Variants in PNPLA2 observed in about 807,000 individuals in gnomAD.
PNPLA2 encodes patatin like domain 2, triacylglycerol lipase, also known as patatin-like phospholipase domain-containing protein 2.
PNPLA2 carries 28 observed loss-of-function variants against 39.7 expected under a neutral mutation model. The ratio of observed to expected loss-of-function variants is 0.70; its 90% CI spans 0.52 to 0.97. The LOEUF (loss-of-function observed/expected upper bound fraction) is 0.97. PNPLA2 is among the 50% of genes least tolerant of loss of function. The probability of loss-of-function intolerance (pLI) is 0.00; values close to 1 mark genes in which losing one functional copy is unlikely to be tolerated. For missense variants in PNPLA2, 768 were observed against 698.2 expected, an observed-to-expected ratio of 1.10 and a Z score of -1.13; for synonymous variants, 392 against 321.1, an observed-to-expected ratio of 1.22 and a Z score of -2.36.
At chr11:820,155 G>T (rs1360793882) in intron 2 of PNPLA2, among the ~76,000 whole-genome samples, 1 of 152,248 alleles carries the variant, frequency 6.6e-6, no homozygotes, top group Non-Finnish European at 1.5e-5. Context: ...GCGGGCAGGT[G>T]CAGCAAAAGC....
rs1845839339 is a variant in PNPLA2, at chr11:824,933, C to CA, written c.*72dup. Reference sequence around the variant, plus strand: ...CACTGCGCAGTGAGATGAGGGGACTCACAGTTGCCAAGAGGGGTCTTTGCC... The same window carrying CA: ...CACTGCGCAGTGAGATGAGGGGACTCAACAGTTGCCAAGAGGGGTCTTTGCC... On this transcript the variant is annotated 3_prime_UTR_variant, in exon 10 of 10. Transcript: ENST00000336615. The CA allele has an allele frequency of 7.8e-7, 1 of 1,279,042 alleles. No homozygotes were observed. Among genetic ancestry groups the CA allele is most frequent in the East Asian group, 2.5e-5 (1 of 39,602 alleles). The allele number at this position is 1,279,042 out of a possible 1,614,324, so 79.2% of individuals were successfully genotyped here.
Position 824,585 on chromosome 11 carries a change from C to G in PNPLA2, c.1238C>G (p.Ala413Gly). The G allele has an allele frequency of 6.3e-7, 1 of 1,582,076 alleles. No individual in the cohort carries two copies. The highest frequency in any genetic ancestry group is 8.6e-7 in the Non-Finnish European group (1 of 1,168,982). Residue 413 changes from alanine to glycine, a missense_variant, in exon 10 of 10, where the codon GCC becomes GGC. Transcript: ENST00000336615. ...QSLPSVPLSC[A>G]AYREALPGWM... ...CTGCCGTCCGTGCCGCTGTCCTGCGCCGCCTACAGAGAGGCACTGCCCGGC... is the reference window on the plus strand; with the variant it reads ...CTGCCGTCCGTGCCGCTGTCCTGCGGCGCCTACAGAGAGGCACTGCCCGGC...
At chr11:819,984 G>A in intron 2 of PNPLA2, 79 bp downstream of exon 2, 1 of 1,144,604 alleles carries the variant, frequency 8.7e-7, no homozygotes, top group South Asian at 2.4e-5. Flanking sequence ...CGTGAGCGGA[G>A]GGGCCCCGCG....
In PNPLA2 at chr11:824,959, G is replaced by C. The variant is rs1370493846; in HGVS notation, c.*97G>C. On this transcript the variant is annotated 3_prime_UTR_variant, in exon 10 of 10. Transcript: ENST00000336615. The stretch of plus-strand genomic sequence containing the variant: ...ACAGTTGCCAAGAGGGGTCTTTGCC[G>C]TGGGCCCCCTCGCCAGCCACTCACC... The C allele has an allele frequency of 3.8e-6, 4 of 1,043,328 alleles. No homozygotes were observed. In the African/African-American group the frequency reaches 5.0e-5, roughly 13 times the overall value. 64.6% of individuals were successfully genotyped at this position (1,043,328 alleles called of 1,614,324 possible). A position where few individuals can be genotyped will look rare whatever the true frequency, so the allele number is the denominator to read the frequency against.
chr11:822,588 C>G lies in PNPLA2; in HGVS notation c.678C>G (p.Leu226=), dbSNP rs10902224. 10 of 1,613,632 alleles carry G rather than the reference C, an allele frequency of 6.2e-6. No homozygotes were observed. In the South Asian group the frequency reaches 1.1e-4, roughly 18 times the overall value. ...ACCTCTACCGCCTCTCCAAGGCCCT[C>G]TTCCCGCCGGAGCCCCTGGTGAGCT... ...LRNLYRLSKA[L]FPPEPLVLRE... Residue 226 remains leucine, a synonymous_variant, in exon 5 of 10, where the codon CTC becomes CTG. Transcript: ENST00000336615.
chr11:824,602 C>A lies in PNPLA2; in HGVS notation c.1255C>A (p.Leu419Met), dbSNP rs1245866644. 6.3e-7 allele frequency: 1 copy of A among 1,590,116 alleles called. No homozygotes were observed. The highest frequency in any genetic ancestry group is 1.1e-5 in the South Asian group (1 of 88,748). Reference protein sequence around the residue: ...PLSCAAYREALPGWMRNNLSL... With the variant: ...PLSCAAYREAMPGWMRNNLSL... The stretch of plus-strand genomic sequence containing the variant: ...GTCCTGCGCCGCCTACAGAGAGGCA[C>A]TGCCCGGCTGGATGCGCAACAACCT... The change falls in exon 10 of 10, where the codon CTG (leucine) becomes ATG (methionine). Residue 419 changes from leucine to methionine, a missense_variant. Coordinates refer to ENST00000336615, the MANE Select transcript of PNPLA2 (RefSeq NM_020376.4).
Position 825,102 on chromosome 11 carries a change from T to C in PNPLA2, c.*240T>C. On this transcript the variant is annotated 3_prime_UTR_variant, in exon 10 of 10. Coordinates refer to ENST00000336615, the MANE Select transcript of PNPLA2 (RefSeq NM_020376.4). ...TGCCCGAGCACCTCCCCCGCCCCTT[T>C]ACTCCTGAGAACTTTGCAGCTGCCC... 1 of 576,688 alleles carries C rather than the reference T, an allele frequency of 1.7e-6. No homozygotes were observed. Among genetic ancestry groups the C allele is most frequent in the Non-Finnish European group, 3.1e-6 (1 of 325,030 alleles). The allele number at this position is 576,688 out of a possible 1,614,324, so 35.7% of individuals were successfully genotyped here.
chr11:822,585 C>T lies in PNPLA2; in HGVS notation c.675C>T (p.Ala225=), dbSNP rs1188096368. ...NLRNLYRLSK[A]LFPPEPLVLR... ...GCAACCTCTACCGCCTCTCCAAGGC[C>T]CTCTTCCCGCCGGAGCCCCTGGTGA... The change falls in exon 5 of 10, where the codon GCC becomes GCT. Residue 225 remains alanine, a synonymous_variant. Coordinates refer to ENST00000336615, the MANE Select transcript of PNPLA2 (RefSeq NM_020376.4). 2 of 1,613,600 alleles carry T rather than the reference C, an allele frequency of 1.2e-6. No homozygotes were observed. The highest frequency in any genetic ancestry group is 1.3e-5 in the African/African-American group (1 of 74,930).
rs1016887289 is a variant in PNPLA2, at chr11:823,850, A to G, written c.914A>G (p.Asn305Ser). The change falls in exon 7 of 10, where the codon AAT becomes AGT. Residue 305 changes from asparagine (N) to serine (S), a missense_variant. By Grantham distance (46) the Asn-to-Ser change is conservative (BLOSUM62 1). Transcript: ENST00000336615. The part of the protein sequence containing the change: ...HILEHLPARL[N>S]EALLEACVEP... ...CTGGAGCACCTGCCCGCCCGGCTCA[A>G]TGAGGGTGCGCACCTGGGGGACGGG... 3.2e-6 allele frequency: 5 copies of G among 1,585,726 alleles called. No homozygotes were observed. Among genetic ancestry groups the G allele is most frequent in the African/African-American group, 2.7e-5 (2 of 74,362 alleles).
chr11:824,892 G>A lies in PNPLA2; in HGVS notation c.*30G>A. 6.7e-7 allele frequency: 1 copy of A among 1,496,066 alleles called. No homozygotes were observed. The highest frequency in any genetic ancestry group is 9.0e-7 in the Non-Finnish European group (1 of 1,110,804). 92.7% of individuals were successfully genotyped at this position (1,496,066 alleles called of 1,614,324 possible). ...CCGACCCTCTCGAGGAACCCTGCCT[G>A]AGACGCCTCCATTACCACTGCGCAG... On this transcript the variant is annotated 3_prime_UTR_variant, in exon 10 of 10. Coordinates refer to ENST00000336615, the MANE Select transcript of PNPLA2 (RefSeq NM_020376.4).
chr11:824,295 C>A lies in PNPLA2; in HGVS notation c.1053-19C>A. ...GGGTCTGGCCAAGTCCCTGAACGCG[C>A]CGCTCGCCCTGTCCCCAGCTTGCTG... On this transcript the variant is annotated intron_variant, in intron 8 of 9. Transcript: ENST00000336615. 6.5e-7 allele frequency: 1 copy of A among 1,550,156 alleles called. No individual in the cohort carries two copies. The highest frequency in any genetic ancestry group is 8.7e-7 in the Non-Finnish European group (1 of 1,147,454).
Position 824,441 on chromosome 11 carries a change from G to A in PNPLA2, c.1175+5G>A, listed in dbSNP as rs1384125069. ...GGGCAGGCACCTGCCCTCCAGGTGA[G>A]CCGCCGACCGCGCGTCCACCCGGGG... On this transcript the variant is annotated splice_donor_5th_base_variant and intron_variant, in intron 9 of 9. Coordinates refer to ENST00000336615, the MANE Select transcript of PNPLA2 (RefSeq NM_020376.4). 1.9e-6 allele frequency: 3 copies of A among 1,552,502 alleles called. No individual in the cohort carries two copies. The highest frequency in any genetic ancestry group is 2.4e-5 in the East Asian group (1 of 41,172).
At position 822,459 on chromosome 11, in the gene PNPLA2, A is replaced by G. The variant is rs1845698997; in HGVS notation, c.549A>G (p.Thr183=). Residue 183 remains threonine, a synonymous_variant, in exon 5 of 10, where the codon ACA becomes ACG. Transcript: ENST00000336615. ...LPLYELKNTI[T]VSPFSGESDI... is the part of the protein sequence containing the mutation. ...TCTATGAGCTTAAGAACACCATCACAGTGTCCCCCTTCTCGGGCGAGAGTG... is the reference window on the plus strand; with the variant it reads ...TCTATGAGCTTAAGAACACCATCACGGTGTCCCCCTTCTCGGGCGAGAGTG... The G allele has an allele frequency of 1.2e-6, 2 of 1,614,136 alleles. No individual in the cohort carries two copies. The highest frequency in any genetic ancestry group is 1.7e-5 in the Admixed American group (1 of 60,030).
intron 5 of PNPLA2, among the ~76,000 whole-genome samples, 169 bp downstream of exon 5, chr11:822,775 C>T (rs1418420588): frequency 6.6e-6 from 1 of 151,650 alleles, no homozygotes; most frequent in Non-Finnish European, 1.5e-5. Flanking sequence ...CATCCAACCT[C>T]TCTGTCTAGC....
rs1333769099 is a variant in PNPLA2 at position 819,725 on chromosome 11, C to T, written c.7C>T (p.Pro3Ser). 14 of 1,488,958 alleles carry T rather than the reference C, an allele frequency of 9.4e-6. No individual in the cohort carries two copies. Among genetic ancestry groups the T allele is most frequent in the Non-Finnish European group, 1.3e-5 (14 of 1,119,394 alleles). The allele number at this position is 1,488,958 out of a possible 1,614,324, so 92.2% of individuals were successfully genotyped here. A position where few individuals can be genotyped will look rare whatever the true frequency, so the allele number is the denominator to read the frequency against. Residue 3 changes from proline (P) to serine (S), a missense_variant, in exon 2 of 10, where the codon CCC (proline) becomes TCC (serine). Coordinates refer to ENST00000336615, the MANE Select transcript of PNPLA2 (RefSeq NM_020376.4). ...CCCGGCGGCCGCCGCCGCGATGTTT[C>T]CCCGCGAGAAGACGTGGAACATCTC... MF[P>S]REKTWNISFA...
chr11:824,770 G>A lies in PNPLA2; in HGVS notation c.1423G>A (p.Ala475Thr), dbSNP rs1214677940. The A allele has an allele frequency of 1.9e-6, 3 of 1,546,676 alleles. No homozygotes were observed. The highest frequency in any genetic ancestry group is 2.6e-6 in the Non-Finnish European group (3 of 1,152,870). The change falls in exon 10 of 10, where the codon GCA becomes ACA. Residue 475 changes from alanine (A) to threonine (T), a missense_variant. By Grantham distance (58) the Ala-to-Thr change is moderately conservative. Transcript: ENST00000336615. ...ADPAPAPADP[A>T]SPQHQLAGPA... ...CCCGGCTCCCGCCCCCGCGGACCCAGCATCCCCGCAGCACCAGCTGGCCGG... is the reference window on the plus strand; with the variant it reads ...CCCGGCTCCCGCCCCCGCGGACCCAACATCCCCGCAGCACCAGCTGGCCGG...
In PNPLA2 at chr11:825,043, G is replaced by T. The variant is rs941364620; in HGVS notation, c.*181G>T. On this transcript the variant is annotated 3_prime_UTR_variant, in exon 10 of 10. Coordinates refer to ENST00000336615, the MANE Select transcript of PNPLA2 (RefSeq NM_020376.4). ...CCCTCCCCTGGGCCGCTGAGGCCCCGCGCACCTGTGCCTTAATCTTCCCTC... is the reference window on the plus strand; with the variant it reads ...CCCTCCCCTGGGCCGCTGAGGCCCCTCGCACCTGTGCCTTAATCTTCCCTC... 1.5e-6 allele frequency: 1 copy of T among 648,084 alleles called. No individual in the cohort carries two copies. The highest frequency in any genetic ancestry group is 2.8e-6 in the Non-Finnish European group (1 of 360,852). 40.1% of individuals were successfully genotyped at this position (648,084 alleles called of 1,614,324 possible). A position where few individuals can be genotyped will look rare whatever the true frequency, so the allele number is the denominator to read the frequency against.
Position 823,990 on chromosome 11 carries a change from A to G in PNPLA2, c.920-8A>G, listed in dbSNP as rs1845772788. 6.2e-7 allele frequency: 1 copy of G among 1,600,378 alleles called. No homozygotes were observed. The highest frequency in any genetic ancestry group is 1.7e-5 in the Admixed American group (1 of 59,292). Reference sequence around the variant, plus strand: ...TCCACTGGCCGCCGACCTCCCGCCCACCCGCAGCCCTGCTGGAGGCCTGCG... The same window carrying G: ...TCCACTGGCCGCCGACCTCCCGCCCGCCCGCAGCCCTGCTGGAGGCCTGCG... On this transcript the variant is annotated splice_region_variant and splice_polypyrimidine_tract_variant and intron_variant, in intron 7 of 9. Coordinates refer to ENST00000336615, the MANE Select transcript of PNPLA2 (RefSeq NM_020376.4).
intron 9 of PNPLA2, 26 bp from the exon 10 acceptor site, chr11:824,497 C>G (rs1040999580): frequency 1.3e-6 from 2 of 1,544,580 alleles, no homozygotes; most frequent in Non-Finnish European, 1.7e-6. Flanking sequence ...AGCTGAAGCC[C>G]TCCCTGCCGC....
Sources: gnomAD v4.1 joint callset for allele counts (sites outside exome capture counted in the v4.1 genomes callset) on GRCh38, gnomAD v4.1.1 for gene constraint, MANE v1.5 for transcripts, NCBI Gene and HGNC (gene_info 2026-07-23, HGNC 2026-07-21) for gene names.